The following ZFHX3 variants were observed in gnomAD, a reference collection of about 807,000 sequenced individuals.
ZFHX3 encodes zinc finger homeobox 3, also known as zinc finger homeobox protein 3.
In ZFHX3, 42 loss-of-function variants were observed where a neutral mutation model predicts 279.1. The observed-to-expected ratio is 0.15, with a 90% CI of 0.12 to 0.19. ZFHX3 has a LOEUF of 0.19. Among genes scored for constraint, ZFHX3 ranks in the 10% least tolerant of loss-of-function variants. The pLI is 1.00. For synonymous variants in ZFHX3, 2,293 were observed against 1,957.8 expected, an observed-to-expected ratio of 1.17 and a Z score of -4.52; for missense variants, 4,981 against 4,754.0, an observed-to-expected ratio of 1.05 and a Z score of -1.40.
At chr16:73,091,645 G>C (rs1169602148) in intron 8 of ZFHX3, among the ~76,000 whole-genome samples, 1 of 152,228 alleles carries the variant, frequency 6.6e-6, no homozygotes, top group Non-Finnish European at 1.5e-5. Context: ...GTTAACCTTA[G>C]TTGTGGTGAA....
chr16:73,552,338 C>A (rs2020215200), intron 2 of ZFHX3, among the ~76,000 whole-genome samples: 1 of 152,122 alleles, frequency 6.6e-6, no homozygotes, highest in Non-Finnish European at 1.5e-5. Flanking sequence ...ATGCCCTGTA[C>A]ATGTTTTTGG....
intron 4 of ZFHX3, among the ~76,000 whole-genome samples, chr16:73,260,807 C>T (rs865971413): frequency 1.3e-4 from 20 of 151,224 alleles, no homozygotes; most frequent in African/African-American, 3.9e-4. Context: ...CTCAGCCTCC[C>T]GAGTGGCTGG....
chr16:73,851,350 C>T (rs1784084143), intron 1 of ZFHX3, among the ~76,000 whole-genome samples: 1 of 152,126 alleles, frequency 6.6e-6, no homozygotes, highest in South Asian at 2.1e-4. Flanking sequence ...AAAGAGGGAT[C>T]CCAACAACTG....
At chr16:73,119,086 A>G (rs1966464910) in intron 7 of ZFHX3, among the ~76,000 whole-genome samples, 1 of 145,980 alleles carries the variant, frequency 6.9e-6, no homozygotes, top group African/African-American at 2.6e-5. Context: ...GTGCAGAAAC[A>G]CTCTCTTTTT....
exon 1 of ZFHX3, chr16:73,059,372 G>GCACACACACACACA (rs59438799): frequency 2.1e-5 from 3 of 146,152 alleles, no homozygotes; most frequent in South Asian, 2.3e-4. Flanking sequence ...ACGAGCGCGC[G>GCACACACACACACA]CACACACACA....
At chr16:73,345,964 G>A (rs2016116395) in intron 3 of ZFHX3, among the ~76,000 whole-genome samples, 1 of 152,130 alleles carries the variant, frequency 6.6e-6, no homozygotes, top group African/African-American at 2.4e-5. Flanking sequence ...CCATAAAGAC[G>A]CTGGGATTCT....
At chr16:73,186,667 C>T (rs561550486) in intron 5 of ZFHX3, among the ~76,000 whole-genome samples, 4 of 149,192 alleles carry the variant, frequency 2.7e-5, no homozygotes, top group Non-Finnish European at 5.9e-5. Context: ...GGTCGCATTT[C>T]GATGTTTCAT....
chr16:73,723,069 C>T lies in ZFHX3; in HGVS notation c.-1607-42829G>A, dbSNP rs150479577. Among the ~76,000 whole-genome samples, 432 of 152,272 alleles carry T rather than the reference C, an allele frequency of 2.8e-3. 3 individuals are homozygous for T. The highest frequency in any genetic ancestry group is 9.9e-3 in the African/African-American group (413 of 41,562). ...TCCTTTCCATTAATGAGACCATACT[C>T]GCCATCCATTTTACCAAAGTGGCTC... is the stretch of plus-strand genomic sequence containing the variant. On this transcript the variant is annotated intron_variant, in intron 1 of 17. Transcript: ENST00000641206.
At chr16:73,125,062 C>T (rs966242283) in intron 7 of ZFHX3, among the ~76,000 whole-genome samples, 8 of 152,042 alleles carry the variant, frequency 5.3e-5, no homozygotes, top group African/African-American at 1.9e-4. Flanking sequence ...GGAAGGTATC[C>T]AGCCCATGGA....
Position 72,936,976 on chromosome 16 carries a change from T to C in ZFHX3, c.3216+13493A>G, listed in dbSNP as rs1381294725. ...CCACAGAACTTGCTGATGGTTTGGC[T>C]GTAGGGGAGCAAAAGACAAGGAGCC... is the stretch of plus-strand genomic sequence containing the variant. On this transcript the variant is annotated intron_variant, in intron 3 of 9. Coordinates refer to ENST00000268489, the MANE Select transcript of ZFHX3 (RefSeq NM_006885.4). Among the ~76,000 whole-genome samples, 7 of 152,098 alleles carry C rather than the reference T, an allele frequency of 4.6e-5. No homozygotes were observed. In the South Asian group the frequency reaches 6.2e-4, roughly 14 times the overall value.
intron 2 of ZFHX3, among the ~76,000 whole-genome samples, chr16:73,481,296 T>C (rs965654262): frequency 6.7e-6 from 1 of 150,006 alleles, no homozygotes; most frequent in Non-Finnish European, 1.5e-5. Flanking sequence ...ATCACTGCAC[T>C]CCAGCCTGGG....
chr16:73,592,093 G>A (rs570594152), intron 2 of ZFHX3, among the ~76,000 whole-genome samples: 12 of 151,962 alleles, frequency 7.9e-5, no homozygotes, highest in African/African-American at 2.9e-4. Flanking sequence ...TTAGCTGGGC[G>A]TGGTGGTGCA....
intron 2 of ZFHX3, among the ~76,000 whole-genome samples, chr16:73,628,135 A>G (rs1204148527): frequency 6.6e-6 from 1 of 152,104 alleles, no homozygotes; most frequent in Non-Finnish European, 1.5e-5. Context: ...TCTACCTCCA[A>G]CCCGTTAACT....
intron 1 of ZFHX3, among the ~76,000 whole-genome samples, chr16:72,987,798 C>G (rs989697606): frequency 9.2e-5 from 14 of 152,178 alleles, no homozygotes; most frequent in Non-Finnish European, 1.8e-4. Context: ...ATTTGGCAAC[C>G]AGGAATGGCC....
intron 3 of ZFHX3, among the ~76,000 whole-genome samples, chr16:73,406,208 T>A (rs2017357559): frequency 6.6e-6 from 1 of 152,234 alleles, no homozygotes; most frequent in South Asian, 2.1e-4. Flanking sequence ...CAGGAGCTGT[T>A]TCCTTCTGTG....
intron 5 of ZFHX3, among the ~76,000 whole-genome samples, chr16:73,158,306 A>T (rs1218525108): frequency 6.6e-6 from 1 of 152,188 alleles, no homozygotes; most frequent in Non-Finnish European, 1.5e-5. Context: ...CAAGACAAGT[A>T]ATGACAACTG....
intron 4 of ZFHX3, among the ~76,000 whole-genome samples, chr16:73,306,317 T>C (rs899666355): frequency 1.3e-5 from 2 of 152,218 alleles, no homozygotes; most frequent in African/African-American, 4.8e-5. Context: ...AACACATGAA[T>C]ACTTGTTTTT....
intron 3 of ZFHX3, among the ~76,000 whole-genome samples, chr16:73,453,867 T>A (rs1055840224): frequency 3.3e-5 from 5 of 152,156 alleles, no homozygotes; most frequent in Admixed American, 3.3e-4. Flanking sequence ...TTATTCACTA[T>A]CACCAGAACA....
intron 1 of ZFHX3, among the ~76,000 whole-genome samples, chr16:73,841,979 C>T (rs1961320249): frequency 6.6e-6 from 1 of 152,000 alleles, no homozygotes; most frequent in Admixed American, 6.6e-5. Context: ...CTTTGGGAGG[C>T]TGAGGCAGGT....
Sources: gnomAD v4.1 joint callset for allele counts (sites outside exome capture counted in the v4.1 genomes callset) on GRCh38, gnomAD v4.1.1 for gene constraint, MANE v1.5 for transcripts, NCBI Gene and HGNC (gene_info 2026-07-23, HGNC 2026-07-21) for gene names.